The following MAGI2 variants were observed in gnomAD, a reference collection of about 807,000 sequenced individuals.
The protein encoded by MAGI2 is membrane associated guanylate kinase, WW and PDZ domain containing 2, also known as membrane-associated guanylate kinase, WW and PDZ domain-containing protein 2.
A neutral mutation model predicts 133.3 loss-of-function variants in MAGI2; 35 were observed. The observed-to-expected ratio is 0.26, with a 90% CI of 0.20 to 0.35. The LOEUF is 0.35. Ranked by LOEUF, MAGI2 falls within the 10% of genes least tolerant of loss-of-function variation. MAGI2 has a pLI of 1.00. For synonymous variants in MAGI2, 729 were observed against 710.6 expected, an observed-to-expected ratio of 1.03 and a Z score of -0.41; for missense variants, 1,636 against 1,863.4, an observed-to-expected ratio of 0.88 and a Z score of 2.25.
In MAGI2 at chr7:78,176,093, C is replaced by G. The variant is rs574082609; in HGVS notation, c.2403+1918G>C. Among the ~76,000 whole-genome samples the G allele has an allele frequency of 2.0e-5, 3 of 152,222 alleles. No homozygotes were observed. In the East Asian group the frequency reaches 5.8e-4, roughly 29 times the overall value. ...TCGGTCACCTAGGATCCCTGGTAAT[C>G]TCAGAATCGGAGATGGGGGAGAGTA... On this transcript the variant is annotated intron_variant, in intron 14 of 21. Transcript: ENST00000354212.
At chr7:78,162,835 G>T (rs1825210496) in intron 15 of MAGI2, among the ~76,000 whole-genome samples, 1 of 152,080 alleles carries the variant, frequency 6.6e-6, no homozygotes, top group South Asian at 2.1e-4. Context: ...TTAAAAACTG[G>T]TCACATGATT....
chr7:79,024,939 G>C (rs1809723945), intron 1 of MAGI2, among the ~76,000 whole-genome samples: 1 of 152,108 alleles, frequency 6.6e-6, no homozygotes, highest in African/African-American at 2.4e-5. Flanking sequence ...GTGAAGGGCT[G>C]TTTGGTGATT....
At chr7:78,513,397 A>AG (rs1393284531) in intron 4 of MAGI2, among the ~76,000 whole-genome samples, 1 of 152,192 alleles carries the variant, frequency 6.6e-6, no homozygotes, top group Non-Finnish European at 1.5e-5. Flanking sequence ...CTCTTCAAAA[A>AG]GAAAGGCCAG....
At chr7:78,984,413 T>C (rs1283851824) in intron 2 of MAGI2, among the ~76,000 whole-genome samples, 1 of 151,924 alleles carries the variant, frequency 6.6e-6, no homozygotes, top group Non-Finnish European at 1.5e-5. Flanking sequence ...GTCCCTACAT[T>C]GCCTCCCTCC....
intron 9 of MAGI2, among the ~76,000 whole-genome samples, chr7:78,295,532 A>G (rs1405240520): frequency 6.6e-6 from 1 of 152,142 alleles, no homozygotes; most frequent in East Asian, 1.9e-4. Flanking sequence ...TATGATCACT[A>G]TCTTCCTCGA....
intron 2 of MAGI2, among the ~76,000 whole-genome samples, chr7:78,880,853 A>C (rs1041814023): frequency 2.0e-5 from 3 of 152,184 alleles, no homozygotes; most frequent in Admixed American, 2.0e-4. Context: ...TGACACCCAC[A>C]GGCTCAAAGT....
At chr7:78,432,771 A>G (rs1307780966) in intron 6 of MAGI2, among the ~76,000 whole-genome samples, 1 of 152,072 alleles carries the variant, frequency 6.6e-6, no homozygotes, top group Non-Finnish European at 1.5e-5. Flanking sequence ...TAAAAATTAT[A>G]CAAAGAAATG....
At chr7:78,888,092 T>C (rs879081382) in intron 2 of MAGI2, among the ~76,000 whole-genome samples, 1 of 152,176 alleles carries the variant, frequency 6.6e-6, no homozygotes, top group Non-Finnish European at 1.5e-5. Flanking sequence ...ATCCTGCACA[T>C]GGCTCAGAGG....
chr7:78,988,577 A>T (rs749358394), intron 2 of MAGI2, among the ~76,000 whole-genome samples: 7 of 152,132 alleles, frequency 4.6e-5, no homozygotes, highest in Non-Finnish European at 8.8e-5. Context: ...GTTATTTTGC[A>T]GTACTCTAGC....
chr7:78,263,814 TA>T (rs1231201489), intron 9 of MAGI2, among the ~76,000 whole-genome samples: 19 of 152,140 alleles, frequency 1.2e-4, no homozygotes. Context: ...TAGCATGACA[TA>T]CGAGGCTCTC....
chr7:79,453,406 G>A lies in MAGI2; in HGVS notation c.-86C>T, dbSNP rs1240248416. 2 of 1,511,978 alleles carry A rather than the reference G, an allele frequency of 1.3e-6. No individual in the cohort carries two copies. The highest frequency in any genetic ancestry group is 2.3e-5 in the East Asian group (1 of 43,832). The allele number at this position is 1,511,978 out of a possible 1,614,324, so 93.7% of individuals were successfully genotyped here. On this transcript the variant is annotated 5_prime_UTR_variant, in exon 1 of 22. Transcript: ENST00000354212. ...GAGAATGAGGATGGAGGAGCAAGGGGGCCCAGGGGGAAGAACAGCAGACTT... is the reference window on the plus strand; with the variant it reads ...GAGAATGAGGATGGAGGAGCAAGGGAGCCCAGGGGGAAGAACAGCAGACTT...
At chr7:79,144,965 A>C (rs1822479039) in intron 1 of MAGI2, among the ~76,000 whole-genome samples, 1 of 152,174 alleles carries the variant, frequency 6.6e-6, no homozygotes, top group African/African-American at 2.4e-5. Flanking sequence ...ACTCACATTA[A>C]AGAGATTGTT....
chr7:78,854,125 T>C (rs1381191766), intron 2 of MAGI2, among the ~76,000 whole-genome samples: 1 of 152,176 alleles, frequency 6.6e-6, no homozygotes, highest in Non-Finnish European at 1.5e-5. Context: ...AAAAATCTAA[T>C]TTCCTTCTAT....
chr7:78,686,348 G>A (rs1169947133), intron 2 of MAGI2, among the ~76,000 whole-genome samples: 2 of 152,188 alleles, frequency 1.3e-5, no homozygotes, highest in East Asian at 1.9e-4. Flanking sequence ...TCCCGTTCAC[G>A]TAAGTGTGGA....
chr7:78,161,513 G>A lies in MAGI2; in HGVS notation c.2597-1240C>T, dbSNP rs557822616. On this transcript the variant is annotated intron_variant, in intron 15 of 21. Coordinates refer to ENST00000354212, the MANE Select transcript of MAGI2 (RefSeq NM_012301.4). ...GTCCCTAGGTATAGCATCCTATGTA[G>A]AACTCTGGAAGTTGTTGCATATGGC... is the stretch of plus-strand genomic sequence containing the variant. 1.3e-4 allele frequency among the ~76,000 whole-genome samples: 20 copies of A among 151,874 alleles called. No homozygotes were observed. In the South Asian group the frequency reaches 4.0e-3, roughly 30 times the overall value.
intron 6 of MAGI2, among the ~76,000 whole-genome samples, chr7:78,452,561 C>A (rs906309087): frequency 6.6e-6 from 1 of 151,630 alleles, no homozygotes; most frequent in Non-Finnish European, 1.5e-5. Context: ...AAAAATGTAC[C>A]TTTTTCTGGG....
At chr7:78,177,204 G>A (rs1826722894) in intron 14 of MAGI2, among the ~76,000 whole-genome samples, 1 of 152,042 alleles carries the variant, frequency 6.6e-6, no homozygotes, top group African/African-American at 2.4e-5. Flanking sequence ...GCCAGAGCCG[G>A]ATGGGATGTA....
At chr7:78,737,476 T>A (rs949503588) in intron 2 of MAGI2, among the ~76,000 whole-genome samples, 1 of 152,176 alleles carries the variant, frequency 6.6e-6, no homozygotes, top group Non-Finnish European at 1.5e-5. Flanking sequence ...AAAGTTTTGG[T>A]GTAGCATTAA....
At chr7:79,046,733 T>C (rs1812214971) in intron 1 of MAGI2, among the ~76,000 whole-genome samples, 1 of 152,216 alleles carries the variant, frequency 6.6e-6, no homozygotes, top group Admixed American at 6.5e-5. Flanking sequence ...TGAAGTCTTG[T>C]AAATCAGGAT....
Sources: allele counts gnomAD v4.1 joint callset (sites outside exome capture counted in the v4.1 genomes callset), GRCh38; gene constraint gnomAD v4.1.1; transcripts MANE v1.5; gene names NCBI Gene and HGNC (gene_info 2026-07-23, HGNC 2026-07-21).